The following PAWR variants were observed in gnomAD, a reference collection of about 807,000 sequenced individuals.
The protein encoded by PAWR is pro-apoptotic WT1 regulator, also known as PRKC apoptosis WT1 regulator protein.
A neutral mutation model predicts 32.0 loss-of-function variants in PAWR; 23 were observed. The ratio of observed to expected loss-of-function variants is 0.72; its 90% CI spans 0.52 to 1.02. The LOEUF (loss-of-function observed/expected upper bound fraction) is 1.02. PAWR is among the 50% of genes least tolerant of loss of function. PAWR has a pLI of 0.00. For missense variants in PAWR, 457 were observed against 437.7 expected (o/e 1.04, Z -0.39); for synonymous variants, 226 against 187.1 (o/e 1.21, Z -1.70).
At chr12:79,619,308 C>T (rs1343227366) in intron 3 of PAWR, among the ~76,000 whole-genome samples, 2 of 152,160 alleles carry the variant, frequency 1.3e-5, no homozygotes, top group Non-Finnish European at 2.9e-5. Context: ...GTTCAATTAA[C>T]TTTTCTTTTA....
At chr12:79,596,255 C>T (rs1873743627) in intron 5 of PAWR, among the ~76,000 whole-genome samples, 1 of 152,094 alleles carries the variant, frequency 6.6e-6, no homozygotes, top group African/African-American at 2.4e-5. Context: ...CAGATTTACT[C>T]CTGTAATTTG....
intron 2 of PAWR, among the ~76,000 whole-genome samples, chr12:79,643,494 C>G (rs1355084501): frequency 6.6e-6 from 1 of 152,142 alleles, no homozygotes; most frequent in African/African-American, 2.4e-5. Context: ...AAAGACAACA[C>G]TTGAAAGACA....
intron 2 of PAWR, among the ~76,000 whole-genome samples, chr12:79,638,869 TATATATATATATATATATATATATATA>T (rs1337787091): frequency 8.2e-3 from 46 of 5,598 alleles, no homozygotes; most frequent in African/African-American, 0.03. Flanking sequence ...GAGTCATATA[TATATATATATATATATATATATATATA>T]TTTTTTTTTT....
chr12:79,674,400 A>AC, intron 2 of PAWR, among the ~76,000 whole-genome samples: 1 of 152,104 alleles, frequency 6.6e-6, no homozygotes, highest in Non-Finnish European at 1.5e-5. Context: ...AAAAAAAAAA[A>AC]ATCAACTCAA....
At chr12:79,608,612 C>T (rs534128920) in intron 4 of PAWR, among the ~76,000 whole-genome samples, 2 of 152,262 alleles carry the variant, frequency 1.3e-5, no homozygotes, top group South Asian at 2.1e-4. Context: ...AAATTAAATG[C>T]ATTTATGTTA....
intron 4 of PAWR, among the ~76,000 whole-genome samples, chr12:79,600,144 C>T (rs1211698607): frequency 6.6e-6 from 1 of 152,140 alleles, no homozygotes; most frequent in Non-Finnish European, 1.5e-5. Context: ...ATAATACTTT[C>T]CAAGAAAACT....
At position 79,586,762 on chromosome 12, in the gene PAWR, C is replaced by G. The variant is rs1419635457; in HGVS notation, c.*5845G>C. 1 of 152,080 alleles carries G rather than the reference C, an allele frequency of 6.6e-6. No individual in the cohort carries two copies. The highest frequency in any genetic ancestry group is 1.5e-5 in the Non-Finnish European group (1 of 67,982). 9.4% of individuals were successfully genotyped at this position (152,080 alleles called of 1,614,324 possible). ...TCCTTTCTTTAAAAGGATTTTGATT[C>G]AGTCATAACAGATTTTTGAAAGTGA... is the stretch of plus-strand genomic sequence containing the variant. On this transcript the variant is annotated 3_prime_UTR_variant, in exon 7 of 7. Transcript: ENST00000328827.
chr12:79,615,179 A>G (rs1356283730), intron 3 of PAWR, among the ~76,000 whole-genome samples: 1 of 152,174 alleles, frequency 6.6e-6, no homozygotes, highest in African/African-American at 2.4e-5. Context: ...ACAGAAGCCT[A>G]TATCACTTAG....
rs756939776 is a variant in PAWR, at chr12:79,587,433, AC to A, written c.*5173del. 2 of 152,066 alleles carry A rather than the reference AC, an allele frequency of 1.3e-5. No homozygotes were observed. The highest frequency in any genetic ancestry group is 2.4e-5 in the African/African-American group (1 of 41,444). The allele number at this position is 152,066 out of a possible 1,614,324, so 9.4% of individuals were successfully genotyped here. ...ACTTATCTTTTACAAACTTTGAAGG[AC>A]CTGAAATTCTTTGGACACCATCAGA... On this transcript the variant is annotated 3_prime_UTR_variant, in exon 7 of 7. Coordinates refer to ENST00000328827, the MANE Select transcript of PAWR (RefSeq NM_002583.4).
intron 2 of PAWR, among the ~76,000 whole-genome samples, chr12:79,637,230 T>C (rs951701446): frequency 6.6e-6 from 1 of 152,100 alleles, no homozygotes; most frequent in Non-Finnish European, 1.5e-5. Flanking sequence ...TTACAAACCA[T>C]GTGTGTGGAT....
intron 2 of PAWR, among the ~76,000 whole-genome samples, chr12:79,642,664 A>G (rs1372658359): frequency 6.6e-6 from 1 of 152,148 alleles, no homozygotes; most frequent in Non-Finnish European, 1.5e-5. Context: ...TTAAGGCCTC[A>G]TCTAACTTCA....
chr12:79,589,097 T>C lies in PAWR; in HGVS notation c.*3510A>G, dbSNP rs899437572. The C allele has an allele frequency of 6.6e-6, 1 of 151,958 alleles. No individual in the cohort carries two copies. The highest frequency in any genetic ancestry group is 1.5e-5 in the Non-Finnish European group (1 of 67,876). The allele number at this position is 151,958 out of a possible 1,614,324, so 9.4% of individuals were successfully genotyped here. ...TTATTAACAATATCATGAATAGTTA[T>C]TAAGTAAGTGCCAGCACTACATGCA... is the stretch of plus-strand genomic sequence containing the variant. On this transcript the variant is annotated 3_prime_UTR_variant, in exon 7 of 7. Transcript: ENST00000328827.
Position 79,632,334 on chromosome 12 carries a change from TATATATATATATATATATATATA to T in PAWR, c.517-11150_517-11128del, listed in dbSNP as rs1875713060. On this transcript the variant is annotated intron_variant, in intron 2 of 6. Coordinates refer to ENST00000328827, the MANE Select transcript of PAWR (RefSeq NM_002583.4). ...ATACATATATATATATATATATATATATATATATATATATATATATATATATATTTTTTTTTTTTTTTAGACAG... is the reference window on the plus strand; with the variant it reads ...ATACATATATATATATATATATATATTATATTTTTTTTTTTTTTTAGACAG... Among the ~76,000 whole-genome samples, 4 of 55,084 alleles carry T rather than the reference TATATATATATATATATATATATA, an allele frequency of 7.3e-5. No homozygotes were observed. The African/African-American group carries it at 9.0e-4, about 12-fold the overall frequency. The allele number at this position is 55,084 out of a possible 152,430, so 36.1% of individuals were successfully genotyped here.
chr12:79,585,917 C>G lies in PAWR; in HGVS notation c.*6690G>C, dbSNP rs1402878888. ...TAGACGGCATAACCCTGTGTTACCC[C>G]GTTGGTATTACAGGCATGAGCCACT... On this transcript the variant is annotated 3_prime_UTR_variant, in exon 7 of 7. Transcript: ENST00000328827. 1.3e-5 allele frequency: 2 copies of G among 152,008 alleles called. No homozygotes were observed. Among genetic ancestry groups the G allele is most frequent in the Non-Finnish European group, 2.9e-5 (2 of 68,004 alleles). The allele number at this position is 152,008 out of a possible 1,614,324, so 9.4% of individuals were successfully genotyped here.
chr12:79,660,676 C>T (rs558132158), intron 2 of PAWR, among the ~76,000 whole-genome samples: 8 of 151,360 alleles, frequency 5.3e-5, no homozygotes, highest in Non-Finnish European at 8.8e-5. Flanking sequence ...CTCTGCCTCC[C>T]GGGTTCAAGT....
intron 2 of PAWR, among the ~76,000 whole-genome samples, chr12:79,680,113 C>T (rs1220560861): frequency 6.6e-6 from 1 of 152,180 alleles, no homozygotes; most frequent in African/African-American, 2.4e-5. Flanking sequence ...TGGATTTGTC[C>T]CAATGCCACT....
chr12:79,652,255 C>A (rs904376170), intron 2 of PAWR, among the ~76,000 whole-genome samples: 3 of 151,972 alleles, frequency 2.0e-5, no homozygotes, highest in Non-Finnish European at 4.4e-5. Flanking sequence ...ATATTATATA[C>A]GTATATGTTA....
At chr12:79,638,884 ATATATATATATATTTTTTTTTTTTTTTTT>A (rs1276971237) in intron 2 of PAWR, among the ~76,000 whole-genome samples, 1 of 8,182 alleles carries the variant, frequency 1.2e-4, no homozygotes, top group African/African-American at 5.7e-4. Context: ...ATATATATAT[ATATATATATATATTTTTTTTTTTTTTTTT>A]TTTTTTTTTT....
At chr12:79,647,173 CAAAAAAAAAAA>C (rs11319978) in intron 2 of PAWR, among the ~76,000 whole-genome samples, 4 of 82,418 alleles carry the variant, frequency 4.9e-5, no homozygotes, top group African/African-American at 6.4e-5. Flanking sequence ...GACTCCATTT[CAAAAAAAAAAA>C]AAAAAAGAAA....
Sources: allele counts gnomAD v4.1 joint callset (sites outside exome capture counted in the v4.1 genomes callset), GRCh38; gene constraint gnomAD v4.1.1; transcripts MANE v1.5; gene names NCBI Gene and HGNC (gene_info 2026-07-23, HGNC 2026-07-21).